Variants in TENM2 observed in about 807,000 individuals in gnomAD.
TENM2 encodes teneurin-2.
TENM2 carries 52 observed loss-of-function variants against 245.2 expected under a neutral mutation model. That is an observed-to-expected ratio of 0.21 (90% CI 0.17 to 0.27). TENM2 has a LOEUF of 0.27. Among genes scored for constraint, TENM2 ranks in the 10% least tolerant of loss-of-function variants. TENM2 has a pLI of 1.00. For missense variants in TENM2, 3,046 were observed against 3,666.8 expected, an observed-to-expected ratio of 0.83 and a Z score of 4.37; for synonymous variants, 1,363 against 1,438.9, an observed-to-expected ratio of 0.95 and a Z score of 1.19.
At chr5:167,883,552 GA>G (rs1211784964) in intron 3 of TENM2, among the ~76,000 whole-genome samples, 1 of 152,212 alleles carries the variant, frequency 6.6e-6, no homozygotes, top group Non-Finnish European at 1.5e-5. Flanking sequence ...ACAGACGGCA[GA>G]GAACTGCTCT....
At chr5:167,730,581 C>G (rs540964201) in intron 2 of TENM2, among the ~76,000 whole-genome samples, 4 of 152,244 alleles carry the variant, frequency 2.6e-5, no homozygotes, top group African/African-American at 7.2e-5. Context: ...CCACTCTACT[C>G]CCCCGTCATC....
At chr5:167,016,549 G>A in the TENM2 span, among the ~76,000 whole-genome samples, 13 of 152,230 alleles carry the variant, frequency 8.5e-5, no homozygotes, top group East Asian at 2.5e-3. Context: ...GTTGAACAAA[G>A]TTCTTATCTG....
chr5:168,106,013 A>G (rs757264207), intron 9 of TENM2, among the ~76,000 whole-genome samples: 2 of 151,948 alleles, frequency 1.3e-5, no homozygotes, highest in Non-Finnish European at 2.9e-5. Context: ...TTCTGTTTTG[A>G]CACTGGCTTC....
At chr5:167,665,764 T>C (rs903503106) in intron 2 of TENM2, among the ~76,000 whole-genome samples, 2 of 152,174 alleles carry the variant, frequency 1.3e-5, no homozygotes. Flanking sequence ...AAATTGAATG[T>C]TTATTTTTCC....
chr5:167,278,240 G>C, the TENM2 span, among the ~76,000 whole-genome samples: 11 of 152,222 alleles, frequency 7.2e-5, no homozygotes, highest in African/African-American at 2.2e-4. Flanking sequence ...GGAAGTCAAG[G>C]CTTCAGTGAG....
the TENM2 span, among the ~76,000 whole-genome samples, chr5:167,255,452 C>A: frequency 1.3e-5 from 2 of 152,230 alleles, no homozygotes; most frequent in Admixed American, 6.5e-5. Flanking sequence ...CATGTAAAAG[C>A]ACTTATCTTG....
chr5:167,702,805 C>G (rs6876801), intron 2 of TENM2, among the ~76,000 whole-genome samples: 9,624 of 152,052 alleles, frequency 0.063, 328 homozygotes, highest in South Asian at 0.095. Flanking sequence ...GCTGGGATTA[C>G]AGGCATGCGC....
chr5:167,284,340 G>T (rs1250513958), upstream of TENM2, among the ~76,000 whole-genome samples: 1 of 152,046 alleles, frequency 6.6e-6, no homozygotes, highest in Admixed American at 6.6e-5. Context: ...TTTGCCTTTT[G>T]TTTATTTTTT....
the TENM2 span, among the ~76,000 whole-genome samples, chr5:167,279,475 C>T: frequency 6.6e-6 from 1 of 150,922 alleles, no homozygotes; most frequent in African/African-American, 2.4e-5. Context: ...CCCTTCTTCC[C>T]TTCTTCCTTT....
chr5:167,270,985 A>G, the TENM2 span, among the ~76,000 whole-genome samples: 1 of 152,162 alleles, frequency 6.6e-6, no homozygotes, highest in Admixed American at 6.6e-5. Flanking sequence ...ACTGGCAGGC[A>G]TTCATGAAAT....
intron 2 of TENM2, among the ~76,000 whole-genome samples, chr5:167,675,773 A>G (rs1756278992): frequency 6.6e-6 from 1 of 152,100 alleles, no homozygotes; most frequent in Admixed American, 6.6e-5. Flanking sequence ...ACACGTCCAG[A>G]ATGAAAACAG....
the TENM2 span, among the ~76,000 whole-genome samples, chr5:167,131,855 C>T: frequency 6.6e-6 from 1 of 152,128 alleles, no homozygotes. Flanking sequence ...CGGAGTCTTA[C>T]TCTGTCACCC....
the TENM2 span, among the ~76,000 whole-genome samples, chr5:167,238,009 C>CAAAAAAAAAAAAAAAAAA: frequency 2.3e-5 from 1 of 44,114 alleles, no homozygotes; most frequent in Non-Finnish European, 4.3e-5. Context: ...GACTCTGTCT[C>CAAAAAAAAAAAAAAAAAA]AAAAAAAAAA....
intron 2 of TENM2, among the ~76,000 whole-genome samples, chr5:167,703,023 C>T (rs1283517727): frequency 6.6e-6 from 1 of 152,184 alleles, no homozygotes; most frequent in East Asian, 1.9e-4. Flanking sequence ...CTCTGTCTCC[C>T]TCTTGCTCTA....
At chr5:167,105,887 CAAAAAAAAAAAAAAAAAAAAAAAA>C in the TENM2 span, among the ~76,000 whole-genome samples, 228 of 48,844 alleles carry the variant, frequency 4.7e-3, 4 homozygotes, top group African/African-American at 0.026. Context: ...GACTCCGTCT[CAAAAAAAAAAAAAAAAAAAAAAAA>C]AAAAAAAAAA....
the TENM2 span, among the ~76,000 whole-genome samples, chr5:167,224,145 T>G: frequency 1.3e-5 from 2 of 152,176 alleles, no homozygotes; most frequent in Non-Finnish European, 2.9e-5. Context: ...AAAGGTTACC[T>G]CTTCACTCTG....
intron 2 of TENM2, among the ~76,000 whole-genome samples, chr5:167,413,847 A>AT (rs1763030818): frequency 6.6e-6 from 1 of 152,216 alleles, no homozygotes; most frequent in Non-Finnish European, 1.5e-5. Context: ...TTAAAAACAC[A>AT]TTAGGTGGCA....
chr5:167,340,367 C>T (rs561892786), intron 1 of TENM2, among the ~76,000 whole-genome samples: 5 of 152,156 alleles, frequency 3.3e-5, no homozygotes, highest in Non-Finnish European at 7.4e-5. Context: ...ATCACAGATT[C>T]GATGGCTTAA....
intron 2 of TENM2, among the ~76,000 whole-genome samples, chr5:167,623,802 A>G (rs796246083): frequency 1.3e-5 from 2 of 152,276 alleles, no homozygotes; most frequent in African/African-American, 4.8e-5. Context: ...ATTATAGTAA[A>G]ATGAAATCTA....
Sources: allele counts gnomAD v4.1 joint callset (sites outside exome capture counted in the v4.1 genomes callset), GRCh38; gene constraint gnomAD v4.1.1; transcripts MANE v1.5; gene names NCBI Gene and HGNC (gene_info 2026-07-23, HGNC 2026-07-21).